The following NME7 variants were observed in gnomAD, a reference collection of about 807,000 sequenced individuals.
The protein encoded by NME7 is NME/NM23 family member 7.
A neutral mutation model predicts 49.1 loss-of-function variants in NME7; 41 were observed. The ratio of observed to expected loss-of-function variants is 0.83; its 90% CI spans 0.65 to 1.08. The LOEUF is 1.08. Ranked by LOEUF, NME7 falls within the 50% of genes least tolerant of loss-of-function variation. NME7 has a pLI of 0.00. For missense variants in NME7, 423 were observed against 463.4 expected, an observed-to-expected ratio of 0.91 and a Z score of 0.80; for synonymous variants, 139 against 150.6, an observed-to-expected ratio of 0.92 and a Z score of 0.56.
intron 6 of NME7, among the ~76,000 whole-genome samples, chr1:169,288,143 C>G (rs1442123353): frequency 2.0e-5 from 3 of 152,164 alleles, no homozygotes; most frequent in African/African-American, 7.2e-5. Flanking sequence ...ATACCACTTT[C>G]CACTAGGAGG....
chr1:169,139,838 T>G (rs114899660), intron 11 of NME7, among the ~76,000 whole-genome samples: 1 of 152,160 alleles, frequency 6.6e-6, no homozygotes, highest in Admixed American at 6.5e-5. Flanking sequence ...CTAAGAAAAC[T>G]TTGAAAACTA....
At chr1:169,360,161 T>C (rs1267961478) in intron 1 of NME7, among the ~76,000 whole-genome samples, 1 of 152,164 alleles carries the variant, frequency 6.6e-6, no homozygotes, top group Admixed American at 6.6e-5. Context: ...TGCATACCCA[T>C]CTGGAATATG....
chr1:169,142,065 G>A (rs929818758), intron 11 of NME7, among the ~76,000 whole-genome samples: 1 of 152,166 alleles, frequency 6.6e-6, no homozygotes, highest in Non-Finnish European at 1.5e-5. Context: ...AGAAGCTGGG[G>A]ATTTGAACTC....
chr1:169,228,412 T>A (rs1411527168), intron 10 of NME7, among the ~76,000 whole-genome samples: 1 of 152,004 alleles, frequency 6.6e-6, no homozygotes, highest in Non-Finnish European at 1.5e-5. Flanking sequence ...GCACGGTGGC[T>A]CACGCCTGTA....
At chr1:169,248,150 T>C (rs1342802545) in intron 7 of NME7, among the ~76,000 whole-genome samples, 1 of 152,162 alleles carries the variant, frequency 6.6e-6, no homozygotes, top group Non-Finnish European at 1.5e-5. Context: ...CATCTATTAT[T>C]TTTTGACTTT....
intron 5 of NME7, among the ~76,000 whole-genome samples, chr1:169,299,059 T>C (rs1380674685): frequency 6.6e-6 from 1 of 152,206 alleles, no homozygotes; most frequent in Non-Finnish European, 1.5e-5. Context: ...TGTTGACCTA[T>C]GCTTTTCCCA....
At chr1:169,151,582 C>T (rs75213877) in intron 11 of NME7, among the ~76,000 whole-genome samples, 224 of 152,300 alleles carry the variant, frequency 1.5e-3, no homozygotes, top group African/African-American at 5.2e-3. Flanking sequence ...TAGTCCCCCC[C>T]AGGCTGTCCA....
At chr1:169,321,732 G>A (rs527262940) in intron 3 of NME7, among the ~76,000 whole-genome samples, 3 of 152,256 alleles carry the variant, frequency 2.0e-5, no homozygotes, top group East Asian at 1.9e-4. Flanking sequence ...GAAAGACTAT[G>A]GAAGTCACAG....
intron 3 of NME7, chr1:169,310,546 A>G (rs1004792354): frequency 2.0e-5 from 3 of 153,174 alleles, no homozygotes; most frequent in African/African-American, 7.2e-5. Context: ...CTCTTTATTC[A>G]TAACATGGGT....
intron 7 of NME7, 58 bp downstream of exon 7, chr1:169,287,245 A>G: frequency 7.5e-7 from 1 of 1,330,968 alleles, no homozygotes; most frequent in Non-Finnish European, 1.1e-6. Context: ...GTACATCAAG[A>G]AAATAAACAT....
chr1:169,191,339 T>C (rs969176165), intron 10 of NME7, among the ~76,000 whole-genome samples: 5 of 152,216 alleles, frequency 3.3e-5, no homozygotes, highest in Admixed American at 3.3e-4. Context: ...TCATTGCTTG[T>C]TGATAACTAT....
chr1:169,357,745 A>G (rs901167327), intron 1 of NME7, among the ~76,000 whole-genome samples: 1 of 152,100 alleles, frequency 6.6e-6, no homozygotes, highest in African/African-American at 2.4e-5. Flanking sequence ...CCAGAGCCGA[A>G]TTTCTGAGTC....
At chr1:169,155,041 C>T (rs1659027932) in intron 11 of NME7, among the ~76,000 whole-genome samples, 1 of 151,988 alleles carries the variant, frequency 6.6e-6, no homozygotes, top group South Asian at 2.1e-4. Context: ...AACTCCTTGG[C>T]TCAAGCAATC....
intron 11 of NME7, among the ~76,000 whole-genome samples, chr1:169,142,952 C>T (rs948472069): frequency 6.6e-6 from 1 of 152,162 alleles, no homozygotes; most frequent in African/African-American, 2.4e-5. Context: ...CAAGTTCAGC[C>T]TCATCATTTT....
At chr1:169,307,243 G>C (rs1441027179) in intron 4 of NME7, among the ~76,000 whole-genome samples, 1 of 152,194 alleles carries the variant, frequency 6.6e-6, no homozygotes, top group Non-Finnish European at 1.5e-5. Context: ...AGAAGGGTCA[G>C]ATTTCAACTA....
chr1:169,310,101 A>G (rs1364323189), intron 3 of NME7, 21 bp from the exon 4 acceptor site: 1 of 1,448,300 alleles, frequency 6.9e-7, no homozygotes, highest in South Asian at 1.2e-5. Context: ...ACAAAAAATA[A>G]GTTTGCAAAT....
intron 10 of NME7, among the ~76,000 whole-genome samples, chr1:169,230,208 T>C (rs1033279791): frequency 6.6e-6 from 1 of 152,094 alleles, no homozygotes; most frequent in Non-Finnish European, 1.5e-5. Context: ...TATACACACA[T>C]ACATACATGC....
chr1:169,296,916 G>A (rs181663882), intron 6 of NME7, among the ~76,000 whole-genome samples: 1 of 151,688 alleles, frequency 6.6e-6, no homozygotes, highest in Admixed American at 6.6e-5. Flanking sequence ...ATCTCACTGG[G>A]TTATTCCAAC....
At chr1:169,323,985 C>T (rs1471689251) in intron 2 of NME7, among the ~76,000 whole-genome samples, 1 of 151,884 alleles carries the variant, frequency 6.6e-6, no homozygotes, top group Non-Finnish European at 1.5e-5. Context: ...TCCCGAGTAG[C>T]TGGGATTACA....
Sources: allele counts gnomAD v4.1 joint callset (sites outside exome capture counted in the v4.1 genomes callset), GRCh38; gene constraint gnomAD v4.1.1; transcripts MANE v1.5; gene names NCBI Gene and HGNC (gene_info 2026-07-23, HGNC 2026-07-21).